CFAP97D2: variants seen among roughly 807,000 people sequenced by gnomAD.
CFAP97D2 encodes the protein uncharacterized protein CFAP97D2.
At chr13:114,195,166 C>A (rs2080881623) in intron 1 of CFAP97D2, among the ~76,000 whole-genome samples, 1 of 152,224 alleles carries the variant, frequency 6.6e-6, no homozygotes, top group Non-Finnish European at 1.5e-5. Context: ...ACCACAGGAG[C>A]CTTGGCATTG....
In CFAP97D2 at chr13:114,219,318, A is replaced by G. The variant is rs561559533; in HGVS notation, c.481-3180A>G. Among the ~76,000 whole-genome samples, 9 of 152,248 alleles carry G rather than the reference A, an allele frequency of 5.9e-5. No individual in the cohort carries two copies. The East Asian group carries it at 1.7e-3, about 29-fold the overall frequency. On this transcript the variant is annotated intron_variant, in intron 4 of 4. Transcript: ENST00000646158. ...CATTTATATGTATTGACATAAGTATATTGTATTTGTTCTCATTTCTGGCTC... is the reference window on the plus strand; with the variant it reads ...CATTTATATGTATTGACATAAGTATGTTGTATTTGTTCTCATTTCTGGCTC...
At chr13:114,210,567 T>C (rs1024212366) in intron 3 of CFAP97D2, among the ~76,000 whole-genome samples, 1 of 152,188 alleles carries the variant, frequency 6.6e-6, no homozygotes, top group African/African-American at 2.4e-5. Context: ...CCCTATTTTC[T>C]TCTGCTCCCG....
chr13:114,210,773 G>C (rs2080963197), intron 3 of CFAP97D2, among the ~76,000 whole-genome samples: 1 of 151,702 alleles, frequency 6.6e-6, no homozygotes, highest in Admixed American at 6.6e-5. Context: ...ACCTTGGATG[G>C]CTTCAGCCTC....
Position 114,182,706 on chromosome 13 carries a change from G to A in CFAP97D2, c.90+3286G>A, listed in dbSNP as rs183954940. 1.5e-3 allele frequency among the ~76,000 whole-genome samples: 224 copies of A among 152,302 alleles called. 1 individual carries two copies. Among genetic ancestry groups the A allele is most frequent in the East Asian group, 0.011 (56 of 5,190 alleles). On this transcript the variant is annotated intron_variant, in intron 1 of 4. Coordinates refer to ENST00000646158, the Ensembl canonical transcript of CFAP97D2. ...TGTAAACGTTTTGTTAACAAGGCACGTCCTGCACAGCCCTAGATCCCTTAA... is the reference window on the plus strand; with the variant it reads ...TGTAAACGTTTTGTTAACAAGGCACATCCTGCACAGCCCTAGATCCCTTAA...
intron 4 of CFAP97D2, among the ~76,000 whole-genome samples, chr13:114,213,638 T>C (rs1484699094): frequency 6.6e-3 from 351 of 53,254 alleles, no homozygotes; most frequent in East Asian, 9.0e-3. Flanking sequence ...GGACAAGCTC[T>C]AGGACCACAG....
intron 1 of CFAP97D2, among the ~76,000 whole-genome samples, chr13:114,180,543 G>A (rs908947961): frequency 6.6e-6 from 1 of 152,058 alleles, no homozygotes; most frequent in African/African-American, 2.4e-5. Context: ...CTGGTTCCTG[G>A]GCCTGCTACC....
In CFAP97D2 at chr13:114,211,246, G is replaced by A. The variant is rs2080965427; in HGVS notation, c.291-666G>A. Among the ~76,000 whole-genome samples, 1 of 152,130 alleles carries A rather than the reference G, an allele frequency of 6.6e-6. No individual in the cohort carries two copies. Among genetic ancestry groups the A allele is most frequent in the African/African-American group, 2.4e-5 (1 of 41,440 alleles). The stretch of plus-strand genomic sequence containing the variant: ...CCCTCTCCATCCAATGCAGCCTCCT[G>A]AACAGGTTTCACCGGTCCCATCTCA... On this transcript the variant is annotated intron_variant, in intron 3 of 4. Coordinates refer to ENST00000646158, the Ensembl canonical transcript of CFAP97D2. The surrounding 1 kb of genome is among the most constrained non-coding windows in gnomAD (Gnocchi z 4.2).
chr13:114,185,792 G>T lies in CFAP97D2; in HGVS notation c.90+6372G>T, dbSNP rs924476232. Among the ~76,000 whole-genome samples the T allele has an allele frequency of 6.6e-6, 1 of 152,248 alleles. No homozygotes were observed. Among genetic ancestry groups the T allele is most frequent in the South Asian group, 2.1e-4 (1 of 4,838 alleles). ...CAGATTTGGGCACTGACAAGCACAG[G>T]AGGGAGGCTGAGGGGGATGCAGAGG... On this transcript the variant is annotated intron_variant, in intron 1 of 4. Coordinates refer to ENST00000646158, the Ensembl canonical transcript of CFAP97D2. The surrounding 1 kb of genome is among the most constrained non-coding windows in gnomAD (Gnocchi z 5.2).
rs2080865606 is a variant in CFAP97D2, at chr13:114,190,482, C to T, written c.91-5914C>T. On this transcript the variant is annotated intron_variant, in intron 1 of 4. Coordinates refer to ENST00000646158, the Ensembl canonical transcript of CFAP97D2. Reference sequence around the variant, plus strand: ...GGATATAAGGTTAATCTACAAAAGTCAATCACTTTCCTATACACCAGCAAG... The same window carrying T: ...GGATATAAGGTTAATCTACAAAAGTTAATCACTTTCCTATACACCAGCAAG... 2.0e-5 allele frequency among the ~76,000 whole-genome samples: 3 copies of T among 152,162 alleles called. No homozygotes were observed. In the South Asian group the frequency reaches 6.2e-4, roughly 32 times the overall value.
In CFAP97D2 at chr13:114,207,197, G is replaced by C. The variant is rs934209834; in HGVS notation, c.291-4715G>C. Among the ~76,000 whole-genome samples the C allele has an allele frequency of 2.0e-5, 3 of 152,208 alleles. No individual in the cohort carries two copies. Among genetic ancestry groups the C allele is most frequent in the African/African-American group, 7.2e-5 (3 of 41,448 alleles). On this transcript the variant is annotated intron_variant, in intron 3 of 4. Transcript: ENST00000646158. The surrounding 1 kb of genome is among the most constrained non-coding windows in gnomAD (Gnocchi z 4.9). ...AGGGCAGCACCATGCAGGGCACACA[G>C]AAAGTCCTCAGGGCTCGCAAACCAG...
chr13:114,197,262 TG>T (rs1361782153), intron 2 of CFAP97D2, among the ~76,000 whole-genome samples: 10 of 152,242 alleles, frequency 6.6e-5, no homozygotes, highest in African/African-American at 2.4e-4. Flanking sequence ...AAATATATTT[TG>T]GGGTAAAATA....
intron 1 of CFAP97D2, among the ~76,000 whole-genome samples, chr13:114,183,651 A>T (rs141507913): frequency 1.3e-5 from 2 of 152,134 alleles, no homozygotes; most frequent in African/African-American, 2.4e-5. Context: ...GTGTCTTTAC[A>T]TGGCATAAGA....
At chr13:114,197,445 G>A (rs991708183) in intron 2 of CFAP97D2, among the ~76,000 whole-genome samples, 1 of 152,134 alleles carries the variant, frequency 6.6e-6, no homozygotes, top group African/African-American at 2.4e-5. Context: ...TCCCATCATG[G>A]CCTGAACTAG....
At chr13:114,209,809 C>A (rs767817436) in intron 3 of CFAP97D2, among the ~76,000 whole-genome samples, 1 of 152,222 alleles carries the variant, frequency 6.6e-6, no homozygotes, top group African/African-American at 2.4e-5. Context: ...GGGACTTTGT[C>A]TCTTTTGTTT....
chr13:114,188,809 A>G (rs1594514436), intron 1 of CFAP97D2, among the ~76,000 whole-genome samples: 1 of 150,992 alleles, frequency 6.6e-6, no homozygotes, highest in Admixed American at 6.6e-5. Context: ...AAAAAAAGAA[A>G]AACAAACCCA....
intron 3 of CFAP97D2, among the ~76,000 whole-genome samples, chr13:114,206,811 G>A (rs1053697344): frequency 3.3e-5 from 5 of 152,190 alleles, no homozygotes; most frequent in Admixed American, 3.3e-4. Context: ...TGTATCTCAA[G>A]GAAGAATCTC....
At chr13:114,191,359 G>A (rs981897731) in intron 1 of CFAP97D2, among the ~76,000 whole-genome samples, 10 of 152,046 alleles carry the variant, frequency 6.6e-5, no homozygotes, top group South Asian at 4.1e-4. Context: ...GAAAATATTC[G>A]CAAAAGATAC....
chr13:114,202,887 C>T (rs545946840), intron 3 of CFAP97D2, among the ~76,000 whole-genome samples: 3 of 152,058 alleles, frequency 2.0e-5, no homozygotes, highest in Admixed American at 6.5e-5. Context: ...CCTGTGTGTC[C>T]CTCCAACACA....
At chr13:114,183,649 A>C (rs770679313) in intron 1 of CFAP97D2, among the ~76,000 whole-genome samples, 2 of 152,152 alleles carry the variant, frequency 1.3e-5, no homozygotes, top group African/African-American at 2.4e-5. Context: ...CTGTGTCTTT[A>C]CATGGCATAA....
Sources: allele counts gnomAD v4.1 joint callset (sites outside exome capture counted in the v4.1 genomes callset), GRCh38; gene constraint gnomAD v4.1.1; non-coding constraint Gnocchi (gnomAD v3.1); transcripts MANE v1.5; gene names NCBI Gene and HGNC (gene_info 2026-07-23, HGNC 2026-07-21).